The following LRRC4C variants were observed in gnomAD, a reference collection of about 807,000 sequenced individuals.
The protein encoded by LRRC4C is leucine rich repeat containing 4C, also known as leucine-rich repeat-containing protein 4C.
Under a neutral mutation model 33.6 loss-of-function variants are expected in LRRC4C, and 5 were observed. That is an observed-to-expected ratio of 0.15 (90% CI 0.08 to 0.31). The LOEUF is 0.31. LRRC4C is among the 10% of genes least tolerant of loss of function. The pLI is 1.00. For missense variants in LRRC4C, 560 were observed against 796.7 expected, an observed-to-expected ratio of 0.70 and a Z score of 3.58; for synonymous variants, 329 against 302.0, an observed-to-expected ratio of 1.09 and a Z score of -0.93.
At chr11:41,109,310 G>A (rs539383242) in intron 1 of LRRC4C, among the ~76,000 whole-genome samples, 103 of 152,106 alleles carry the variant, frequency 6.8e-4, no homozygotes, top group Non-Finnish European at 1.0e-3. Context: ...CAGCTCTCAT[G>A]CCTTCACTGT....
intron 3 of LRRC4C, among the ~76,000 whole-genome samples, chr11:40,419,115 T>C (rs969349260): frequency 9.9e-5 from 15 of 151,912 alleles, no homozygotes; most frequent in East Asian, 1.9e-4. Context: ...CCTGCACTTG[T>C]ACCCTGGAAC....
intron 1 of LRRC4C, among the ~76,000 whole-genome samples, chr11:41,051,338 T>TTGTA (rs1248695710): frequency 1.3e-5 from 2 of 151,988 alleles, no homozygotes; most frequent in East Asian, 3.9e-4. Context: ...TTCATACATT[T>TTGTA]TGTATTGGAC....
At position 40,601,541 on chromosome 11, in the gene LRRC4C, C is replaced by G. The variant is rs1959992443; in HGVS notation, c.-270+46601G>C. On this transcript the variant is annotated intron_variant, in intron 3 of 6. Transcript: ENST00000528697. ...TCTGTATTAAAGGAAAAAAAGTGGC[C>G]AGGTGATTACTGATGATCAATCAAG... 2.0e-5 allele frequency among the ~76,000 whole-genome samples: 3 copies of G among 152,216 alleles called. No homozygotes were observed. In the South Asian group the frequency reaches 6.2e-4, roughly 32 times the overall value.
At chr11:40,363,502 A>G (rs948711380) in intron 3 of LRRC4C, among the ~76,000 whole-genome samples, 3 of 152,130 alleles carry the variant, frequency 2.0e-5, no homozygotes, top group African/African-American at 7.2e-5. Context: ...TGCACAAGCA[A>G]ATCCCAATGA....
At chr11:41,217,068 C>A (rs982526526) in intron 1 of LRRC4C, among the ~76,000 whole-genome samples, 1 of 152,020 alleles carries the variant, frequency 6.6e-6, no homozygotes, top group East Asian at 1.9e-4. Context: ...CCCTATTTTT[C>A]AGGCCAAATT....
At position 41,061,834 on chromosome 11, in the gene LRRC4C, T is replaced by C. The variant is rs539552323; in HGVS notation, c.-495-128111A>G. Among the ~76,000 whole-genome samples the C allele has an allele frequency of 7.2e-5, 11 of 152,288 alleles. No homozygotes were observed. In the East Asian group the frequency reaches 1.9e-3, roughly 27 times the overall value. ...TGGATAAATTTATCTTGGTCTTTTT[T>C]GCTGTTAGATCTCCTGTACTTAGAA... On this transcript the variant is annotated intron_variant, in intron 1 of 6. Coordinates refer to ENST00000528697, the MANE Select transcript of LRRC4C (RefSeq NM_001258419.2).
At chr11:40,453,094 A>C in intron 3 of LRRC4C, among the ~76,000 whole-genome samples, 1 of 152,210 alleles carries the variant, frequency 6.6e-6, no homozygotes, top group African/African-American at 2.4e-5. Context: ...TGACGAGTTA[A>C]TGGGTGCAGC....
intron 3 of LRRC4C, among the ~76,000 whole-genome samples, chr11:40,419,994 G>A (rs1950465990): frequency 6.6e-6 from 1 of 152,204 alleles, no homozygotes; most frequent in African/African-American, 2.4e-5. Context: ...AACTACTTAT[G>A]AAGAGCAGAA....
intron 3 of LRRC4C, among the ~76,000 whole-genome samples, chr11:40,617,549 T>G (rs1188512393): frequency 6.6e-6 from 1 of 151,706 alleles, no homozygotes; most frequent in Non-Finnish European, 1.5e-5. Context: ...ATTGCATTCT[T>G]TCTTATTATC....
chr11:40,744,466 T>G (rs1412457058), intron 2 of LRRC4C, among the ~76,000 whole-genome samples: 3 of 152,168 alleles, frequency 2.0e-5, no homozygotes, highest in African/African-American at 7.2e-5. Flanking sequence ...CCAGAATTTC[T>G]CTACTTCATT....
chr11:41,024,177 A>G (rs983252350), intron 1 of LRRC4C, among the ~76,000 whole-genome samples: 5 of 151,714 alleles, frequency 3.3e-5, no homozygotes, highest in Admixed American at 6.6e-5. Context: ...TAGTTTCCTC[A>G]ACACTCTGTG....
intron 1 of LRRC4C, among the ~76,000 whole-genome samples, chr11:41,178,782 C>A (rs559903287): frequency 6.6e-6 from 1 of 152,320 alleles, no homozygotes; most frequent in South Asian, 2.1e-4. Context: ...CAGGTCACTG[C>A]AACTTCTGCC....
intron 1 of LRRC4C, among the ~76,000 whole-genome samples, chr11:40,957,691 T>C (rs1409861021): frequency 1.3e-5 from 2 of 151,744 alleles, no homozygotes; most frequent in Non-Finnish European, 2.9e-5. Context: ...CTTATATCCA[T>C]TGCTCCTATC....
chr11:41,015,661 T>C (rs1483193952), intron 1 of LRRC4C, among the ~76,000 whole-genome samples: 3 of 152,172 alleles, frequency 2.0e-5, no homozygotes, highest in African/African-American at 7.2e-5. Flanking sequence ...AGCTGTGTTT[T>C]AAGGGAGTGA....
chr11:40,952,522 C>T (rs1263059628), intron 1 of LRRC4C, among the ~76,000 whole-genome samples: 1 of 151,798 alleles, frequency 6.6e-6, no homozygotes, highest in Non-Finnish European at 1.5e-5. Context: ...TAAGATGTTG[C>T]TATATTTGAA....
At chr11:41,087,341 A>T (rs1940078077) in intron 1 of LRRC4C, among the ~76,000 whole-genome samples, 1 of 152,160 alleles carries the variant, frequency 6.6e-6, no homozygotes, top group African/African-American at 2.4e-5. Flanking sequence ...ACACAAATGT[A>T]AATCAATTAT....
intron 1 of LRRC4C, among the ~76,000 whole-genome samples, chr11:41,295,948 A>G (rs1232665396): frequency 5.3e-5 from 8 of 152,242 alleles, no homozygotes; most frequent in Non-Finnish European, 8.8e-5. Flanking sequence ...GTTTAGCTGT[A>G]TCTCCCAGAA....
chr11:41,390,180 C>A (rs550381005), intron 1 of LRRC4C, among the ~76,000 whole-genome samples: 24 of 151,856 alleles, frequency 1.6e-4, no homozygotes, highest in Non-Finnish European at 2.7e-4. Flanking sequence ...GTTGAGATAA[C>A]CTGATCTGCT....
intron 1 of LRRC4C, among the ~76,000 whole-genome samples, chr11:40,971,187 C>T (rs67342226): frequency 0.23 from 35,345 of 152,094 alleles, 4,500 homozygotes; most frequent in Middle Eastern, 0.32. Flanking sequence ...GGAGGAAAGG[C>T]CTCAAAGGCA....
Sources: allele counts gnomAD v4.1 joint callset (sites outside exome capture counted in the v4.1 genomes callset), GRCh38; gene constraint gnomAD v4.1.1; transcripts MANE v1.5; gene names NCBI Gene and HGNC (gene_info 2026-07-23, HGNC 2026-07-21).